Variants in MTUS2 observed in about 807,000 individuals in gnomAD.
MTUS2 encodes the protein microtubule-associated tumor suppressor candidate 2.
In MTUS2, 40 loss-of-function variants were observed where a neutral mutation model predicts 114.1. The observed-to-expected ratio is 0.35, with a 90% CI of 0.27 to 0.46. The LOEUF (loss-of-function observed/expected upper bound fraction) is 0.46, where lower values mean the gene tolerates loss of function less well. Among genes scored for constraint, MTUS2 ranks in the 20% least tolerant of loss-of-function variants. The pLI, the probability that MTUS2 is intolerant of heterozygous loss-of-function variation, is 1.00. For synonymous variants in MTUS2, 688 were observed against 672.0 expected, an observed-to-expected ratio of 1.02 and a Z score of -0.37; for missense variants, 1,679 against 1,705.4, an observed-to-expected ratio of 0.98 and a Z score of 0.27.
intron 5 of MTUS2, among the ~76,000 whole-genome samples, chr13:29,206,389 G>T (rs567113915): frequency 7.2e-5 from 11 of 152,164 alleles, no homozygotes; most frequent in Non-Finnish European, 1.2e-4. Flanking sequence ...TTGCTTTTAC[G>T]GTGCAGAAGC....
intron 2 of MTUS2, among the ~76,000 whole-genome samples, chr13:28,885,039 T>C (rs1878511944): frequency 2.0e-5 from 3 of 152,162 alleles, no homozygotes; most frequent in Non-Finnish European, 4.4e-5. Context: ...TTGAAATTTA[T>C]CATCAATCAT....
At chr13:29,000,496 G>T (rs1007797221) in intron 2 of MTUS2, among the ~76,000 whole-genome samples, 7 of 152,092 alleles carry the variant, frequency 4.6e-5, no homozygotes, top group African/African-American at 1.7e-4. Context: ...CCAAGTAGCT[G>T]GGATTATAGG....
At chr13:28,862,917 TCTTC>T (rs1411657117) in intron 2 of MTUS2, among the ~76,000 whole-genome samples, 2 of 152,244 alleles carry the variant, frequency 1.3e-5, no homozygotes, top group Non-Finnish European at 2.9e-5. Context: ...TGTGAGTGAT[TCTTC>T]CTTTTCTCTA....
At chr13:29,287,496 C>CTGTGTGTG (rs1343050891) in intron 6 of MTUS2, among the ~76,000 whole-genome samples, 3 of 84,488 alleles carry the variant, frequency 3.6e-5, no homozygotes, top group African/African-American at 5.1e-5. Flanking sequence ...TGACATCACT[C>CTGTGTGTG]TGTATGTGTG....
chr13:29,048,220 G>A (rs1887725855), intron 4 of MTUS2, among the ~76,000 whole-genome samples: 2 of 151,850 alleles, frequency 1.3e-5, no homozygotes, highest in African/African-American at 2.4e-5. Flanking sequence ...TTCTTATTTA[G>A]GTCCTTTTTA....
intron 4 of MTUS2, among the ~76,000 whole-genome samples, chr13:29,056,825 A>G (rs1888156299): frequency 6.6e-6 from 1 of 151,632 alleles, no homozygotes; most frequent in East Asian, 1.9e-4. Flanking sequence ...TTCACCTCGG[A>G]TTTTGGTTAT....
chr13:28,959,285 A>G (rs568596433), intron 2 of MTUS2, among the ~76,000 whole-genome samples: 1 of 152,294 alleles, frequency 6.6e-6, no homozygotes, highest in East Asian at 1.9e-4. Context: ...TGAATGTCAC[A>G]TGGAGAGCCT....
At chr13:29,464,232 C>A (rs1879730489) in intron 9 of MTUS2, among the ~76,000 whole-genome samples, 1 of 152,218 alleles carries the variant, frequency 6.6e-6, no homozygotes. Flanking sequence ...CACTCTGTGA[C>A]TCTAAGAGAT....
intron 3 of MTUS2, among the ~76,000 whole-genome samples, chr13:29,027,653 G>C (rs894901443): frequency 6.6e-6 from 1 of 152,162 alleles, no homozygotes; most frequent in Admixed American, 6.5e-5. Context: ...CTGGGTTCAC[G>C]CCATCCTCCT....
intron 2 of MTUS2, among the ~76,000 whole-genome samples, chr13:28,976,203 C>CAAAAAAAAAAA (rs71090215): frequency 1.1e-5 from 1 of 90,174 alleles, no homozygotes; most frequent in Non-Finnish European, 2.2e-5. Flanking sequence ...GACCTTGTCT[C>CAAAAAAAAAAA]AAAAAAAAAA....
In MTUS2 at chr13:29,409,344, A is replaced by G. The variant is rs550048408; in HGVS notation, c.3118-30639A>G. On this transcript the variant is annotated intron_variant, in intron 8 of 15. Transcript: ENST00000612955. The stretch of plus-strand genomic sequence containing the variant: ...AAACAAAAAATCAAATTGTTCACCC[A>G]TTTGTGTATAGTTATTATTATCTTT... Among the ~76,000 whole-genome samples, 64 of 152,206 alleles carry G rather than the reference A, an allele frequency of 4.2e-4. 2 individuals carry two copies. The highest frequency in any genetic ancestry group is 1.0e-3 in the Admixed American group (16 of 15,274).
chr13:28,903,952 T>C (rs1046520265), intron 2 of MTUS2, among the ~76,000 whole-genome samples: 2 of 152,212 alleles, frequency 1.3e-5, no homozygotes, highest in African/African-American at 4.8e-5. Context: ...ATGATCACCA[T>C]TCTAACTGGT....
chr13:29,014,068 G>A (rs1055185432), intron 2 of MTUS2, among the ~76,000 whole-genome samples: 3 of 152,038 alleles, frequency 2.0e-5, no homozygotes, highest in African/African-American at 4.8e-5. Flanking sequence ...TAAGCCATTC[G>A]ATGCTCAGTA....
intron 2 of MTUS2, among the ~76,000 whole-genome samples, chr13:29,009,918 A>G (rs908260302): frequency 6.6e-6 from 1 of 152,090 alleles, no homozygotes; most frequent in African/African-American, 2.4e-5. Context: ...GTGGAGGATA[A>G]AAAGCTATAA....
chr13:29,188,438 A>G (rs1024206503), intron 5 of MTUS2, among the ~76,000 whole-genome samples: 2 of 152,238 alleles, frequency 1.3e-5, no homozygotes, highest in East Asian at 1.9e-4. Context: ...TATTTCTTAC[A>G]TAGCTGACTG....
intron 7 of MTUS2, among the ~76,000 whole-genome samples, chr13:29,356,825 G>A (rs926133451): frequency 6.6e-6 from 1 of 152,092 alleles, no homozygotes; most frequent in Non-Finnish European, 1.5e-5. Context: ...CACTGGTGCC[G>A]GAGCCTTGAT....
chr13:28,958,296 G>A (rs986256907), intron 2 of MTUS2, among the ~76,000 whole-genome samples: 1 of 152,198 alleles, frequency 6.6e-6, no homozygotes, highest in Admixed American at 6.5e-5. Flanking sequence ...GGCGTGGGCT[G>A]CCTGTTTTCC....
In MTUS2 at chr13:29,503,988, A is replaced by T. The variant is rs895392864; in HGVS notation, c.*782A>T. ...TTTAGCAGTTTTGCAGATGTTACCC[A>T]TGACAGTGACTCATCTCTGATAGTC... On this transcript the variant is annotated 3_prime_UTR_variant, in exon 16 of 16. Coordinates refer to ENST00000612955, the MANE Select transcript of MTUS2 (RefSeq NM_001033602.4). The T allele has an allele frequency of 4.3e-6, 1 of 230,612 alleles. No homozygotes were observed. The highest frequency in any genetic ancestry group is 6.1e-5 in the East Asian group (1 of 16,382). The allele number at this position is 230,612 out of a possible 1,614,324, so 14.3% of individuals were successfully genotyped here.
In MTUS2 at chr13:29,359,211, G is replaced by A. The variant is rs1490479182; in HGVS notation, c.2906-51G>A. ...GTAATAAGAAGCCGTTGTCACATGTGTACTGAGTGTTTTTTCACAGGTGAC... is the reference window on the plus strand; with the variant it reads ...GTAATAAGAAGCCGTTGTCACATGTATACTGAGTGTTTTTTCACAGGTGAC... On this transcript the variant is annotated intron_variant, in intron 7 of 15. Transcript: ENST00000612955. The A allele has an allele frequency of 3.3e-6, 5 of 1,511,982 alleles. No homozygotes were observed. The East Asian group carries it at 7.3e-5, about 22-fold the overall frequency. 93.7% of individuals were successfully genotyped at this position (1,511,982 alleles called of 1,614,324 possible).
Sources: allele counts gnomAD v4.1 joint callset (sites outside exome capture counted in the v4.1 genomes callset), GRCh38; gene constraint gnomAD v4.1.1; transcripts MANE v1.5; gene names NCBI Gene and HGNC (gene_info 2026-07-23, HGNC 2026-07-21).